Variants in CDH4 observed in about 807,000 individuals in gnomAD.
CDH4 encodes cadherin-4.
In CDH4, 33 loss-of-function variants were observed where a neutral mutation model predicts 86.0. The ratio of observed to expected loss-of-function variants is 0.38; its 90% CI spans 0.29 to 0.51. The LOEUF (loss-of-function observed/expected upper bound fraction) is 0.51. CDH4 is among the 20% of genes least tolerant of loss of function. The pLI is 0.86. For synonymous variants in CDH4, 555 were observed against 549.4 expected, an observed-to-expected ratio of 1.01 and a Z score of -0.14; for missense variants, 1,114 against 1,307.4, an observed-to-expected ratio of 0.85 and a Z score of 2.28.
chr20:61,379,972 A>T (rs897855661), intron 2 of CDH4, among the ~76,000 whole-genome samples: 1 of 148,780 alleles, frequency 6.7e-6, no homozygotes, highest in African/African-American at 2.5e-5. Flanking sequence ...GATTGTGTAG[A>T]TAATTTTGTT....
rs1287187759 is a variant in CDH4 at position 61,672,974 on chromosome 20, C to T, written c.170-70589C>T. 3.3e-5 allele frequency among the ~76,000 whole-genome samples: 5 copies of T among 151,874 alleles called. No homozygotes were observed. The East Asian group carries it at 9.7e-4, about 29-fold the overall frequency. On this transcript the variant is annotated intron_variant, in intron 2 of 15. Coordinates refer to ENST00000614565, the MANE Select transcript of CDH4 (RefSeq NM_001794.5). ...TGTCCATAGAAGAAGAAGAAGGAGG[C>T]AGGAGAGTGACAGAGAAAGAAAGAG...
intron 3 of CDH4, among the ~76,000 whole-genome samples, chr20:61,748,019 G>T (rs1440525524): frequency 6.6e-6 from 1 of 152,186 alleles, no homozygotes; most frequent in African/African-American, 2.4e-5. Context: ...CTCAAAAGCA[G>T]ACAGAAAAGG....
At chr20:61,655,240 C>G (rs1288310474) in intron 2 of CDH4, among the ~76,000 whole-genome samples, 1 of 152,166 alleles carries the variant, frequency 6.6e-6, no homozygotes, top group Non-Finnish European at 1.5e-5. Flanking sequence ...ACCAAGGGTC[C>G]TTCTCAGGGT....
rs1273820371 is a variant in CDH4 at position 61,902,506 on chromosome 20, G to A, written c.1188+7459G>A. Reference sequence around the variant, plus strand: ...CCCAGGGATTTGCAGGCAAATGAGCGGCCGTTGACACAGGGACAGGCACAC... The same window carrying A: ...CCCAGGGATTTGCAGGCAAATGAGCAGCCGTTGACACAGGGACAGGCACAC... On this transcript the variant is annotated intron_variant, in intron 8 of 15. Coordinates refer to ENST00000614565, the MANE Select transcript of CDH4 (RefSeq NM_001794.5). This position sits in a 1 kb window ranked among gnomAD's most constrained non-coding sequence, Gnocchi z 4.6. Among the ~76,000 whole-genome samples the A allele has an allele frequency of 3.9e-5, 6 of 152,230 alleles. No homozygotes were observed. Among genetic ancestry groups the A allele is most frequent in the Non-Finnish European group, 7.3e-5 (5 of 68,038 alleles).
At chr20:61,723,487 G>C (rs1049137695) in intron 2 of CDH4, among the ~76,000 whole-genome samples, 1 of 152,150 alleles carries the variant, frequency 6.6e-6, no homozygotes, top group African/African-American at 2.4e-5. Flanking sequence ...AGGCAGGGTT[G>C]GCCTGGGCCC....
intron 4 of CDH4, among the ~76,000 whole-genome samples, chr20:61,813,501 G>A (rs370982534): frequency 2.0e-5 from 3 of 152,156 alleles, no homozygotes; most frequent in South Asian, 2.1e-4. Flanking sequence ...ACTTGCCCAC[G>A]GTGTCACAGC....
At chr20:61,294,329 G>A (rs989864529) in intron 2 of CDH4, among the ~76,000 whole-genome samples, 1 of 152,176 alleles carries the variant, frequency 6.6e-6, no homozygotes, top group Non-Finnish European at 1.5e-5. Context: ...GGCAACGGGG[G>A]TGAAGTCTCA....
chr20:61,436,936 G>T (rs2085286321), intron 2 of CDH4: 1 of 152,536 alleles, frequency 6.6e-6, no homozygotes, highest in South Asian at 2.1e-4. Context: ...AAGGCCTCTT[G>T]TCTGCTCTGC....
At chr20:61,626,491 G>A (rs190924562) in intron 2 of CDH4, among the ~76,000 whole-genome samples, 3 of 152,018 alleles carry the variant, frequency 2.0e-5, no homozygotes, top group East Asian at 1.9e-4. Context: ...AGTGCGTTGT[G>A]GGGGGTGGGG....
At chr20:61,465,553 A>G (rs1469467974) in intron 2 of CDH4, among the ~76,000 whole-genome samples, 1 of 152,092 alleles carries the variant, frequency 6.6e-6, no homozygotes, top group Non-Finnish European at 1.5e-5. Flanking sequence ...AATTGTATGG[A>G]TGTATTGATT....
intron 2 of CDH4, among the ~76,000 whole-genome samples, chr20:61,371,851 G>T (rs2084842394): frequency 1.3e-5 from 2 of 152,238 alleles, no homozygotes; most frequent in Non-Finnish European, 2.9e-5. Context: ...TTTTCCTGCG[G>T]TGATGTAAAC....
At chr20:61,609,916 T>C (rs1023581810) in intron 2 of CDH4, among the ~76,000 whole-genome samples, 6 of 152,254 alleles carry the variant, frequency 3.9e-5, no homozygotes, top group Admixed American at 2.0e-4. Context: ...TTTTGTTACA[T>C]GTATACAGTG....
intron 2 of CDH4, among the ~76,000 whole-genome samples, chr20:61,257,410 T>C (rs961118538): frequency 1.3e-5 from 2 of 152,252 alleles, no homozygotes; most frequent in African/African-American, 4.8e-5. Context: ...GAAATAGTTT[T>C]CCCCAATAGG....
intron 2 of CDH4, among the ~76,000 whole-genome samples, chr20:61,614,688 A>C (rs2086711808): frequency 6.6e-6 from 1 of 152,098 alleles, no homozygotes; most frequent in East Asian, 1.9e-4. Flanking sequence ...CACCCCAGAG[A>C]ATGTAAGAAA....
chr20:61,600,437 T>C (rs1335322111), intron 2 of CDH4, among the ~76,000 whole-genome samples: 1 of 152,188 alleles, frequency 6.6e-6, no homozygotes, highest in Non-Finnish European at 1.5e-5. Context: ...TCTGGGGCCT[T>C]GAGGGAGTCA....
chr20:61,743,436 A>G, intron 2 of CDH4, 127 bp from the exon 3 acceptor site: 1 of 689,914 alleles, frequency 1.4e-6, no homozygotes, highest in South Asian at 1.7e-5. Context: ...GAGGTGGAGA[A>G]ATCAGTGCAA....
intron 2 of CDH4, among the ~76,000 whole-genome samples, chr20:61,473,900 A>T (rs1280085777): frequency 6.6e-6 from 1 of 152,088 alleles, no homozygotes; most frequent in Non-Finnish European, 1.5e-5. Context: ...GATTTTGGTG[A>T]TCAGCTGTGG....
chr20:61,783,856 A>C (rs370460626), intron 4 of CDH4, among the ~76,000 whole-genome samples: 548 of 30,372 alleles, frequency 0.018, 6 homozygotes, highest in African/African-American at 0.029. Flanking sequence ...CAAGGCCCTC[A>C]GATGTCCTGT....
intron 2 of CDH4, among the ~76,000 whole-genome samples, chr20:61,700,377 T>G (rs551868142): frequency 6.6e-6 from 1 of 152,236 alleles, no homozygotes; most frequent in South Asian, 2.1e-4. Context: ...CTGGGATATA[T>G]TCTTGGTCTG....
Sources: gnomAD v4.1 joint callset for allele counts (sites outside exome capture counted in the v4.1 genomes callset) on GRCh38, gnomAD v4.1.1 for gene constraint, Gnocchi (gnomAD v3.1) non-coding constraint, MANE v1.5 for transcripts, NCBI Gene and HGNC (gene_info 2026-07-23, HGNC 2026-07-21) for gene names.